Variants in PDE4B observed in about 807,000 individuals in gnomAD.
PDE4B encodes the protein 3',5'-cyclic-AMP phosphodiesterase 4B.
PDE4B carries 20 observed loss-of-function variants against 82.2 expected under a neutral mutation model. That is an observed-to-expected ratio of 0.24 (90% CI 0.17 to 0.35). PDE4B has a LOEUF of 0.35. Ranked by LOEUF, PDE4B falls within the 10% of genes least tolerant of loss-of-function variation. The probability of loss-of-function intolerance (pLI) is 1.00; values close to 1 mark genes in which losing one functional copy is unlikely to be tolerated. For missense variants in PDE4B, 655 were observed against 907.2 expected (o/e 0.72, Z 3.57); for synonymous variants, 320 against 318.9 (o/e 1.00, Z -0.04).
chr1:66,242,451 C>T (rs978359356), intron 3 of PDE4B, among the ~76,000 whole-genome samples: 35 of 152,100 alleles, frequency 2.3e-4, no homozygotes, highest in African/African-American at 6.5e-4. Context: ...GTCTTTCTAG[C>T]GGGTTATTTG....
At chr1:65,945,068 T>A (rs1200951074) in intron 3 of PDE4B, among the ~76,000 whole-genome samples, 1 of 151,992 alleles carries the variant, frequency 6.6e-6, no homozygotes, top group African/African-American at 2.4e-5. Flanking sequence ...GCAAAGGCAC[T>A]CCTACTTCTG....
At chr1:65,878,378 T>A (rs1445659674) in intron 1 of PDE4B, among the ~76,000 whole-genome samples, 1 of 152,236 alleles carries the variant, frequency 6.6e-6, no homozygotes, top group Admixed American at 6.5e-5. Flanking sequence ...ATCCCATTAC[T>A]GGGTATGTAC....
At chr1:66,286,248 A>G (rs1187627402) in intron 7 of PDE4B, among the ~76,000 whole-genome samples, 1 of 152,120 alleles carries the variant, frequency 6.6e-6, no homozygotes, top group Non-Finnish European at 1.5e-5. Context: ...AGGAGTTGGA[A>G]CTTTTTGTAT....
chr1:66,250,779 A>G (rs1208539876), intron 4 of PDE4B, among the ~76,000 whole-genome samples: 1 of 152,234 alleles, frequency 6.6e-6, no homozygotes, highest in Non-Finnish European at 1.5e-5. Context: ...AAACTGTGGC[A>G]GGAACCACCA....
chr1:65,923,213 T>C (rs1244028241), intron 3 of PDE4B, among the ~76,000 whole-genome samples: 2 of 152,200 alleles, frequency 1.3e-5, no homozygotes, highest in Admixed American at 1.3e-4. Context: ...TTCAGGCCCA[T>C]AGGAATTGTA....
chr1:65,927,185 A>C (rs1050291673), intron 3 of PDE4B, among the ~76,000 whole-genome samples: 2 of 151,902 alleles, frequency 1.3e-5, no homozygotes, highest in Non-Finnish European at 2.9e-5. Flanking sequence ...TCAGAGGAGA[A>C]ATAAATGAAG....
intron 3 of PDE4B, among the ~76,000 whole-genome samples, chr1:65,939,422 T>C (rs1482458743): frequency 1.3e-5 from 2 of 152,116 alleles, no homozygotes; most frequent in Non-Finnish European, 2.9e-5. Flanking sequence ...ACAGGCCTGA[T>C]AGAACAGCAA....
At chr1:66,019,363 T>TTC (rs1390151325) in intron 3 of PDE4B, among the ~76,000 whole-genome samples, 2 of 147,276 alleles carry the variant, frequency 1.4e-5, no homozygotes, top group African/African-American at 2.5e-5. Context: ...ATTCTTTTTT[T>TTC]TTTTTTTTTT....
At chr1:66,256,883 A>C (rs757692859) in intron 4 of PDE4B, among the ~76,000 whole-genome samples, 5 of 152,214 alleles carry the variant, frequency 3.3e-5, no homozygotes, top group Non-Finnish European at 7.3e-5. Context: ...TCAAACCAAC[A>C]TGTCTTCTAG....
At chr1:66,091,399 CTGCTCACTGAG>C (rs1424491119) in intron 3 of PDE4B, among the ~76,000 whole-genome samples, 2 of 152,030 alleles carry the variant, frequency 1.3e-5, no homozygotes, top group Non-Finnish European at 2.9e-5. Context: ...AATCAGGTTA[CTGCTCACTGAG>C]TGTCTCTGTT....
intron 7 of PDE4B, among the ~76,000 whole-genome samples, chr1:66,309,903 A>G (rs1658546355): frequency 6.6e-6 from 1 of 152,174 alleles, no homozygotes; most frequent in Non-Finnish European, 1.5e-5. Flanking sequence ...AGTGCTGTTG[A>G]TGTACAAGGC....
chr1:66,152,471 T>G (rs1646415940), intron 3 of PDE4B: 1 of 307,716 alleles, frequency 3.2e-6, no homozygotes, highest in African/African-American at 2.1e-5. Context: ...GGTCTGTACT[T>G]TTTAACACAG....
At chr1:66,231,915 G>T (rs941099742) in intron 3 of PDE4B, among the ~76,000 whole-genome samples, 1 of 152,182 alleles carries the variant, frequency 6.6e-6, no homozygotes, top group Non-Finnish European at 1.5e-5. Flanking sequence ...GATTGTGACA[G>T]TTCCTCAAGG....
chr1:65,886,604 T>C (rs1646780159), intron 1 of PDE4B, among the ~76,000 whole-genome samples: 1 of 152,120 alleles, frequency 6.6e-6, no homozygotes, highest in Non-Finnish European at 1.5e-5. Flanking sequence ...AGACCAACTT[T>C]TGGTTCTTAC....
intron 3 of PDE4B, among the ~76,000 whole-genome samples, chr1:66,135,690 T>C (rs904877007): frequency 6.6e-6 from 1 of 152,174 alleles, no homozygotes; most frequent in African/African-American, 2.4e-5. Flanking sequence ...AACATGAACC[T>C]CAGAGAAGAG....
At chr1:66,102,391 T>C (rs139999070) in intron 3 of PDE4B, among the ~76,000 whole-genome samples, 1 of 152,256 alleles carries the variant, frequency 6.6e-6, no homozygotes, top group East Asian at 1.9e-4. Context: ...GACTGAATTC[T>C]GTAAATCAGA....
intron 3 of PDE4B, among the ~76,000 whole-genome samples, chr1:66,102,371 G>A (rs1645244192): frequency 6.6e-6 from 1 of 152,048 alleles, no homozygotes; most frequent in Non-Finnish European, 1.5e-5. Flanking sequence ...AATGTAACTA[G>A]TACCAGACAG....
At position 66,129,672 on chromosome 1, in the gene PDE4B, A is replaced by C. The variant is rs1179881958; in HGVS notation, c.282-117788A>C. ...GAGACTCCGTCTCAAAAAAAAAAAA[A>C]CAAAAAAACAAAAAAACAAAAAAAC... On this transcript the variant is annotated intron_variant, in intron 3 of 16. Coordinates refer to ENST00000341517, the MANE Select transcript of PDE4B (RefSeq NM_002600.4). 2.4e-4 allele frequency among the ~76,000 whole-genome samples: 18 copies of C among 76,090 alleles called. 1 individual carries two copies. Among genetic ancestry groups the C allele is most frequent in the Middle Eastern group, 6.5e-3 (1 of 154 alleles). 49.9% of individuals were successfully genotyped at this position (76,090 alleles called of 152,430 possible). A position where few individuals can be genotyped will look rare whatever the true frequency, so the allele number is the denominator to read the frequency against.
rs188638468 is a variant in PDE4B, at chr1:66,093,922, T to C, written c.282-153538T>C. Among the ~76,000 whole-genome samples, 11 of 152,168 alleles carry C rather than the reference T, an allele frequency of 7.2e-5. No homozygotes were observed. In the East Asian group the frequency reaches 1.9e-3, roughly 27 times the overall value. ...ATTTGGGCCCTTGATGTTCTTTCAT[T>C]CATTCAATCAATTTTTTATTGAACT... On this transcript the variant is annotated intron_variant, in intron 3 of 16. Transcript: ENST00000341517.
Sources: gnomAD v4.1 joint callset for allele counts (sites outside exome capture counted in the v4.1 genomes callset) on GRCh38, gnomAD v4.1.1 for gene constraint, MANE v1.5 for transcripts, NCBI Gene and HGNC (gene_info 2026-07-23, HGNC 2026-07-21) for gene names.